Variants in ATP11A observed in about 807,000 individuals in gnomAD.
The protein encoded by ATP11A is ATPase phospholipid transporting 11A, also known as phospholipid-transporting ATPase IH.
In ATP11A, 81 loss-of-function variants were observed where a neutral mutation model predicts 154.4. The observed-to-expected ratio is 0.52, with a 90% CI of 0.44 to 0.63. The LOEUF (loss-of-function observed/expected upper bound fraction) is 0.63, where lower values mean the gene tolerates loss of function less well. ATP11A is among the 30% of genes least tolerant of loss of function. The pLI, the probability that ATP11A is intolerant of heterozygous loss-of-function variation, is 0.00. For synonymous variants in ATP11A, 623 were observed against 585.9 expected (o/e 1.06, Z -0.91); for missense variants, 1,316 against 1,474.3 (o/e 0.89, Z 1.76).
At chr13:112,742,182 G>A (rs1594501004) in intron 1 of ATP11A, among the ~76,000 whole-genome samples, 1 of 152,370 alleles carries the variant, frequency 6.6e-6, no homozygotes, top group East Asian at 1.9e-4. Context: ...GTGCCAGGTT[G>A]AAAGGAGGTT....
At chr13:112,808,306 C>G (rs1317429352) in intron 4 of ATP11A, among the ~76,000 whole-genome samples, 1 of 152,038 alleles carries the variant, frequency 6.6e-6, no homozygotes, top group Non-Finnish European at 1.5e-5. Flanking sequence ...GGGGTCAGGG[C>G]AAGGCGGCAA....
chr13:112,713,516 T>TA (rs1346490594), intron 1 of ATP11A, among the ~76,000 whole-genome samples: 5 of 152,156 alleles, frequency 3.3e-5, no homozygotes, highest in Non-Finnish European at 7.4e-5. Flanking sequence ...CAAGTATAAA[T>TA]AAAAAAATTG....
chr13:112,724,513 T>C (rs553835548), intron 1 of ATP11A, among the ~76,000 whole-genome samples: 4 of 149,076 alleles, frequency 2.7e-5, no homozygotes, highest in African/African-American at 5.1e-5. Context: ...GAACCGTGTA[T>C]GTGCGGCAGC....
chr13:112,843,380 CA>C (rs2079483307), intron 17 of ATP11A, among the ~76,000 whole-genome samples: 1 of 152,214 alleles, frequency 6.6e-6, no homozygotes, highest in South Asian at 2.1e-4. Flanking sequence ...TGCTTTGTCC[CA>C]CGGTGTCTGC....
rs9577851 is a variant in ATP11A, at chr13:112,830,902, C to T, written c.1222-473C>T. Among the ~76,000 whole-genome samples the T allele has an allele frequency of 1.5e-3, 225 of 152,310 alleles. 9 individuals carry two copies. In the East Asian group the frequency reaches 0.039, roughly 26 times the overall value. ...ATTTGCTTGAATTTTACCTTCTCAA[C>T]CTTACATGGTATTGTAGGTTTTGAC... On this transcript the variant is annotated intron_variant, in intron 12 of 29. Coordinates refer to ENST00000375645, the MANE Select transcript of ATP11A (RefSeq NM_015205.3).
Position 112,883,102 on chromosome 13 carries a change from G to A in ATP11A, c.*1236G>A, listed in dbSNP as rs924468999. ...TCATGTCCCCTTGTCCTGTCACCTC[G>A]TCCCCACGTCCCCTCGTCTCCTCAT... On this transcript the variant is annotated 3_prime_UTR_variant, in exon 30 of 30. Coordinates refer to ENST00000375645, the MANE Select transcript of ATP11A (RefSeq NM_015205.3). The A allele has an allele frequency of 1.1e-5, 3 of 264,660 alleles. No homozygotes were observed. Among genetic ancestry groups the A allele is most frequent in the Admixed American group, 1.0e-4 (1 of 9,942 alleles). The allele number at this position is 264,660 out of a possible 1,614,324, so 16.4% of individuals were successfully genotyped here. A position where few individuals can be genotyped will look rare whatever the true frequency, so the allele number is the denominator to read the frequency against.
At chr13:112,874,734 G>T (rs2080663484) in intron 27 of ATP11A, among the ~76,000 whole-genome samples, 1 of 152,176 alleles carries the variant, frequency 6.6e-6, no homozygotes, top group Admixed American at 6.5e-5. Context: ...AGAGATGACA[G>T]CCCAGCTTGG....
intron 1 of ATP11A, among the ~76,000 whole-genome samples, chr13:112,748,382 T>G (rs1892417410): frequency 6.6e-6 from 1 of 152,248 alleles, no homozygotes; most frequent in Admixed American, 6.5e-5. Context: ...TTTCTTTTTA[T>G]TGAGATGGGA....
Position 112,859,551 on chromosome 13 carries a change from A to C in ATP11A, c.2727+99A>C. 2.0e-6 allele frequency: 2 copies of C among 1,010,882 alleles called. No individual in the cohort carries two copies. Among genetic ancestry groups the C allele is most frequent in the Admixed American group, 1.7e-5 (1 of 57,790 alleles). 62.6% of individuals were successfully genotyped at this position (1,010,882 alleles called of 1,614,324 possible). On this transcript the variant is annotated intron_variant, in intron 23 of 29. Coordinates refer to ENST00000375645, the MANE Select transcript of ATP11A (RefSeq NM_015205.3). This position sits in a 1 kb window ranked among gnomAD's most constrained non-coding sequence, Gnocchi z 4.3. ...GAGGGGAGACTTGGGAATGAGCAGC[A>C]CTCCCCGGCACCACGAGGGAGCCAG...
intron 1 of ATP11A, among the ~76,000 whole-genome samples, chr13:112,740,899 G>A (rs1409034116): frequency 6.6e-6 from 1 of 152,190 alleles, no homozygotes; most frequent in Non-Finnish European, 1.5e-5. Flanking sequence ...GTCATGCTGC[G>A]CTCAGCGTTA....
Position 112,713,432 on chromosome 13 carries a change from G to A in ATP11A, c.39+22977G>A, listed in dbSNP as rs117508017. Among the ~76,000 whole-genome samples, 227 of 152,248 alleles carry A rather than the reference G, an allele frequency of 1.5e-3. 7 individuals are homozygous for A. The East Asian group carries it at 0.038, about 26-fold the overall frequency. The stretch of plus-strand genomic sequence containing the variant: ...ATAAAAACATGGAGTTCACAAAGTG[G>A]CATGAATAATCATGAAACGAAGTGA... On this transcript the variant is annotated intron_variant, in intron 1 of 29. Transcript: ENST00000375645.
rs1397844382 is a variant in ATP11A, at chr13:112,882,405, G to T, written c.*539G>T. ...TGCCACATGCTGCTGTTTCCTGCTT[G>T]CCCGGCCACCACCCATGCCCTCCAT... On this transcript the variant is annotated 3_prime_UTR_variant, in exon 30 of 30. Coordinates refer to ENST00000375645, the MANE Select transcript of ATP11A (RefSeq NM_015205.3). This position sits in a 1 kb window ranked among gnomAD's most constrained non-coding sequence, Gnocchi z 5.1. 5 of 406,238 alleles carry T rather than the reference G, an allele frequency of 1.2e-5. No homozygotes were observed. In the East Asian group the frequency reaches 2.5e-4, roughly 20 times the overall value. The allele number at this position is 406,238 out of a possible 1,614,324, so 25.2% of individuals were successfully genotyped here.
At chr13:112,824,490 G>T (rs2078882580) in intron 10 of ATP11A, 65 bp downstream of exon 10, 1 of 1,482,872 alleles carries the variant, frequency 6.7e-7, no homozygotes. Flanking sequence ...AGAAATGGAA[G>T]TAGCTTCCTC....
rs1457581739 is a variant in ATP11A at position 112,881,316 on chromosome 13, TC to T, written c.*10-558del. On this transcript the variant is annotated intron_variant, in intron 29 of 29. Coordinates refer to ENST00000375645, the MANE Select transcript of ATP11A (RefSeq NM_015205.3). ...TGCAGGCCCCATCCGTATGGTGACA[TC>T]CTAGGCAACATGTCAAGGGGATGCA... 6 of 1,004,536 alleles carry T rather than the reference TC, an allele frequency of 6.0e-6. No homozygotes were observed. In the East Asian group the frequency reaches 5.2e-4, roughly 88 times the overall value. The allele number at this position is 1,004,536 out of a possible 1,614,324, so 62.2% of individuals were successfully genotyped here.
At chr13:112,804,461 GCCCTCC>G (rs2078267385) in intron 2 of ATP11A, among the ~76,000 whole-genome samples, 1 of 34,562 alleles carries the variant, frequency 2.9e-5, no homozygotes, top group Non-Finnish European at 5.1e-5. Flanking sequence ...TCCCCTCTCT[GCCCTCC>G]TTCCCCTCCT....
At chr13:112,826,666 T>A (rs1226145826) in intron 11 of ATP11A, 28 bp from the exon 12 acceptor site, 2 of 1,608,394 alleles carry the variant, frequency 1.2e-6, no homozygotes, top group African/African-American at 1.3e-5. Flanking sequence ...CTGGTGGAGG[T>A]GCTGACCCGC....
intron 29 of ATP11A, chr13:112,881,423 TG>T: frequency 2.9e-6 from 3 of 1,041,570 alleles, no homozygotes; most frequent in Non-Finnish European, 3.5e-6. Context: ...GTTCGCCTTT[TG>T]TTCAAGGGTC....
intron 24 of ATP11A, among the ~76,000 whole-genome samples, chr13:112,861,208 C>T (rs938332182): frequency 6.6e-6 from 1 of 152,330 alleles, no homozygotes; most frequent in East Asian, 1.9e-4. Flanking sequence ...TCAATCACTG[C>T]CCACCAGGTC....
At chr13:112,761,494 G>A (rs2076960830) in intron 1 of ATP11A, among the ~76,000 whole-genome samples, 1 of 152,152 alleles carries the variant, frequency 6.6e-6, no homozygotes, top group African/African-American at 2.4e-5. Context: ...TCAGGGGTGT[G>A]TGTTCATAGG....
Sources: gnomAD v4.1 joint callset for allele counts (sites outside exome capture counted in the v4.1 genomes callset) on GRCh38, gnomAD v4.1.1 for gene constraint, Gnocchi (gnomAD v3.1) non-coding constraint, MANE v1.5 for transcripts, NCBI Gene and HGNC (gene_info 2026-07-23, HGNC 2026-07-21) for gene names.